ARHGAP26: variants seen among roughly 807,000 people sequenced by gnomAD.
ARHGAP26 encodes rho GTPase-activating protein 26.
A neutral mutation model predicts 104.8 loss-of-function variants in ARHGAP26; 38 were observed. The observed-to-expected ratio is 0.36, with a 90% CI of 0.28 to 0.48. The LOEUF (loss-of-function observed/expected upper bound fraction) is 0.48. ARHGAP26 is among the 20% of genes least tolerant of loss of function. The pLI is 0.99. For synonymous variants in ARHGAP26, 341 were observed against 340.0 expected (o/e 1.00, Z -0.03); for missense variants, 704 against 947.9 (o/e 0.74, Z 3.38).
chr5:143,184,001 G>C (rs566417735), intron 20 of ARHGAP26, among the ~76,000 whole-genome samples: 20 of 152,288 alleles, frequency 1.3e-4, no homozygotes, highest in Middle Eastern at 3.4e-3. Flanking sequence ...CTTTGCCCCT[G>C]TTCAGAAACT....
chr5:142,876,153 C>T (rs1756057775), intron 3 of ARHGAP26, among the ~76,000 whole-genome samples: 1 of 152,148 alleles, frequency 6.6e-6, no homozygotes, highest in Non-Finnish European at 1.5e-5. Flanking sequence ...CCCCTGCTGA[C>T]TTGAAGTCCC....
intron 20 of ARHGAP26, among the ~76,000 whole-genome samples, chr5:143,195,746 A>G (rs1249439032): frequency 6.6e-6 from 1 of 151,762 alleles, no homozygotes. Flanking sequence ...CTGAACTATC[A>G]TTTTGCCTCT....
intron 5 of ARHGAP26, among the ~76,000 whole-genome samples, chr5:142,892,931 A>G (rs532253295): frequency 6.6e-6 from 1 of 151,266 alleles, no homozygotes. Context: ...ATCTCACTGT[A>G]TTTTTGAACC....
At chr5:143,052,860 T>G (rs956463425) in intron 14 of ARHGAP26, among the ~76,000 whole-genome samples, 3 of 152,214 alleles carry the variant, frequency 2.0e-5, no homozygotes, top group Non-Finnish European at 4.4e-5. Flanking sequence ...GAGGAACAGC[T>G]TTCTTCATTG....
At chr5:143,023,262 G>T (rs1193733496) in intron 12 of ARHGAP26, among the ~76,000 whole-genome samples, 1 of 152,208 alleles carries the variant, frequency 6.6e-6, no homozygotes, top group Non-Finnish European at 1.5e-5. Flanking sequence ...ACAAGATTGA[G>T]GACCAGGAGA....
chr5:142,799,899 T>C (rs1296727626), intron 1 of ARHGAP26, among the ~76,000 whole-genome samples: 1 of 152,176 alleles, frequency 6.6e-6, no homozygotes, highest in African/African-American at 2.4e-5. Context: ...ATTTCAAACA[T>C]GAGTTTTGGA....
intron 1 of ARHGAP26, among the ~76,000 whole-genome samples, chr5:142,803,904 A>G (rs1301390749): frequency 2.0e-5 from 3 of 152,204 alleles, no homozygotes; most frequent in African/African-American, 7.2e-5. Context: ...CCAGAGAGGG[A>G]TAGGACCAGC....
intron 11 of ARHGAP26, chr5:142,969,531 A>G (rs1156764811): frequency 6.6e-6 from 1 of 152,214 alleles, no homozygotes; most frequent in Non-Finnish European, 1.5e-5. Context: ...CCTGTTCTTT[A>G]GAGACTCTTT....
chr5:143,146,541 A>G (rs1799181155), intron 19 of ARHGAP26, among the ~76,000 whole-genome samples: 1 of 152,258 alleles, frequency 6.6e-6, no homozygotes, highest in South Asian at 2.1e-4. Context: ...CCAAGCATGA[A>G]TATGACTGCT....
intron 1 of ARHGAP26, among the ~76,000 whole-genome samples, chr5:142,794,382 G>A (rs561880530): frequency 1.3e-4 from 20 of 152,244 alleles, no homozygotes; most frequent in Admixed American, 8.5e-4. Flanking sequence ...GAAGGAGGGG[G>A]GACAGAGGCC....
intron 18 of ARHGAP26, among the ~76,000 whole-genome samples, chr5:143,133,541 G>T (rs1198852794): frequency 6.6e-6 from 1 of 152,188 alleles, no homozygotes; most frequent in African/African-American, 2.4e-5. Context: ...TAAGAAAGTT[G>T]TGAAGTAATT....
At chr5:143,092,293 A>T (rs1235595518) in intron 17 of ARHGAP26, among the ~76,000 whole-genome samples, 1 of 151,362 alleles carries the variant, frequency 6.6e-6, no homozygotes. Flanking sequence ...CCTCCTGAGC[A>T]GCTGGGACTA....
chr5:143,025,967 GA>G (rs3836775), intron 12 of ARHGAP26, among the ~76,000 whole-genome samples: 4,082 of 151,060 alleles, frequency 0.027, 196 homozygotes, highest in African/African-American at 0.094. Flanking sequence ...AAGAAACAAT[GA>G]AAAAAAAATA....
chr5:142,856,791 A>G (rs1031027036), intron 1 of ARHGAP26, among the ~76,000 whole-genome samples: 5 of 152,206 alleles, frequency 3.3e-5, no homozygotes, highest in Non-Finnish European at 5.9e-5. Context: ...TGTAGGTTAT[A>G]TGCAAATACT....
chr5:143,035,935 C>CAAAAAAAAAAAAAAAAAAAAAAAAAA (rs10713064), intron 12 of ARHGAP26, among the ~76,000 whole-genome samples: 1 of 78,098 alleles, frequency 1.3e-5, no homozygotes, highest in Non-Finnish European at 2.6e-5. Context: ...GACCTTGTCT[C>CAAAAAAAAAAAAAAAAAAAAAAAAAA]AAAAAAAAAA....
At chr5:142,910,313 C>T (rs907135414) in intron 9 of ARHGAP26, among the ~76,000 whole-genome samples, 1 of 152,180 alleles carries the variant, frequency 6.6e-6, no homozygotes, top group African/African-American at 2.4e-5. Context: ...ATTCTGAACT[C>T]ATTATACTTC....
intron 20 of ARHGAP26, among the ~76,000 whole-genome samples, chr5:143,164,173 T>C (rs1308338845): frequency 6.6e-6 from 1 of 152,118 alleles, no homozygotes; most frequent in African/African-American, 2.4e-5. Context: ...GTTCATATCT[T>C]GAAGGATTAT....
chr5:142,873,412 C>T lies in ARHGAP26; in HGVS notation c.167C>T (p.Ala56Val), dbSNP rs138620429. 5.9e-5 allele frequency: 94 copies of T among 1,590,422 alleles called. No individual in the cohort carries two copies. The highest frequency in any genetic ancestry group is 7.7e-5 in the Non-Finnish European group (90 of 1,173,926). Reference sequence around the variant, plus strand: ...TTTTTCTTGCTAGATTTGTCTTCAGCGAAGCGGAAGTTTGCAGATTCCTTA... The same window carrying T: ...TTTTTCTTGCTAGATTTGTCTTCAGTGAAGCGGAAGTTTGCAGATTCCTTA... ...LISALKNLSS[A>V]KRKFADSLNE... The change falls in exon 2 of 23, where the codon GCG becomes GTG. Residue 56 changes from alanine (A) to valine (V), a missense_variant. Ala to Val is a moderately conservative substitution (Grantham distance 64). Coordinates refer to ENST00000645722, the MANE Select transcript of ARHGAP26 (RefSeq NM_001135608.3).
At chr5:142,909,369 G>C (rs1037307122) in intron 9 of ARHGAP26, among the ~76,000 whole-genome samples, 4 of 152,140 alleles carry the variant, frequency 2.6e-5, no homozygotes, top group African/African-American at 9.7e-5. Flanking sequence ...GCGTGTGTGT[G>C]GGCATTATAG....
Sources: allele counts gnomAD v4.1 joint callset (sites outside exome capture counted in the v4.1 genomes callset), GRCh38; gene constraint gnomAD v4.1.1; transcripts MANE v1.5; gene names NCBI Gene and HGNC (gene_info 2026-07-23, HGNC 2026-07-21).